MAGI1: variants seen among roughly 807,000 people sequenced by gnomAD.
MAGI1 encodes the protein membrane associated guanylate kinase, WW and PDZ domain containing 1.
A neutral mutation model predicts 139.9 loss-of-function variants in MAGI1; 58 were observed. The ratio of observed to expected loss-of-function variants is 0.41; its 90% CI spans 0.34 to 0.52. The LOEUF is 0.52. Among genes scored for constraint, MAGI1 ranks in the 20% least tolerant of loss-of-function variants. MAGI1 has a pLI of 0.12. For synonymous variants in MAGI1, 812 were observed against 737.9 expected (o/e 1.10, Z -1.63); for missense variants, 1,874 against 1,901.6 (o/e 0.99, Z 0.27).
At chr3:65,621,856 T>G in intron 2 of MAGI1, 116 bp downstream of exon 2, 1 of 687,902 alleles carries the variant, frequency 1.5e-6, no homozygotes, top group Non-Finnish European at 2.5e-6. Context: ...AGTCACTCAG[T>G]AGGCCAACCA....
At chr3:65,549,576 C>T (rs117240963) in intron 2 of MAGI1, 1 of 680,766 alleles carries the variant, frequency 1.5e-6, no homozygotes, top group Non-Finnish European at 1.8e-6. Context: ...CCAGCCCGCT[C>T]GGGCGGCAGC....
At chr3:65,852,067 T>A (rs998099647) in intron 1 of MAGI1, among the ~76,000 whole-genome samples, 1 of 152,174 alleles carries the variant, frequency 6.6e-6, no homozygotes, top group East Asian at 1.9e-4. Context: ...GCTCAAGGAA[T>A]TGTGGGCCCA....
At chr3:65,608,121 C>T (rs2082847363) in intron 2 of MAGI1, among the ~76,000 whole-genome samples, 1 of 152,062 alleles carries the variant, frequency 6.6e-6, no homozygotes, top group South Asian at 2.1e-4. Context: ...TTCTACAAAT[C>T]AGAAAGCAAA....
chr3:65,746,699 T>C (rs2035739954), intron 1 of MAGI1, among the ~76,000 whole-genome samples: 1 of 152,140 alleles, frequency 6.6e-6, no homozygotes, highest in African/African-American at 2.4e-5. Flanking sequence ...ATCAAGGGCA[T>C]TAAAATATAA....
chr3:65,432,626 T>G (rs2107356994), intron 10 of MAGI1, among the ~76,000 whole-genome samples: 1 of 152,272 alleles, frequency 6.6e-6, no homozygotes, highest in East Asian at 1.9e-4. Flanking sequence ...AAGGCAAGAC[T>G]TACAAGGATT....
chr3:65,365,092 T>C (rs945044211), intron 18 of MAGI1, 146 bp from the exon 19 acceptor site: 2 of 787,978 alleles, frequency 2.5e-6, no homozygotes, highest in African/African-American at 3.4e-5. Flanking sequence ...TTCTAGACAA[T>C]TAGGAGTTTA....
intron 10 of MAGI1, among the ~76,000 whole-genome samples, chr3:65,435,748 G>A (rs1407668891): frequency 6.6e-6 from 1 of 152,144 alleles, no homozygotes; most frequent in Non-Finnish European, 1.5e-5. Flanking sequence ...AGTAAACATG[G>A]TAGGGGAATC....
intron 2 of MAGI1, among the ~76,000 whole-genome samples, chr3:65,569,310 T>G (rs1309181190): frequency 6.6e-6 from 1 of 152,152 alleles, no homozygotes; most frequent in African/African-American, 2.4e-5. Context: ...ATTTAATGAG[T>G]ACATAGTTTC....
At chr3:65,575,195 T>C (rs1162559245) in intron 2 of MAGI1, among the ~76,000 whole-genome samples, 1 of 151,820 alleles carries the variant, frequency 6.6e-6, no homozygotes. Flanking sequence ...ATCTATAGAG[T>C]TCCAAACAAA....
chr3:65,784,703 TCAACAACAA>T (rs148824542), intron 1 of MAGI1, among the ~76,000 whole-genome samples: 2 of 149,376 alleles, frequency 1.3e-5, no homozygotes, highest in African/African-American at 2.5e-5. Flanking sequence ...AGACTCCGTC[TCAACAACAA>T]CAACAACAAC....
chr3:65,784,370 G>A (rs530459662), intron 1 of MAGI1, among the ~76,000 whole-genome samples: 2 of 152,180 alleles, frequency 1.3e-5, no homozygotes, highest in Non-Finnish European at 2.9e-5. Context: ...TTACTCATAA[G>A]AGGTCAAAAA....
intron 1 of MAGI1, among the ~76,000 whole-genome samples, chr3:65,919,119 A>G (rs2062045504): frequency 1.3e-5 from 2 of 152,260 alleles, no homozygotes; most frequent in African/African-American, 4.8e-5. Flanking sequence ...CTTGCTCAAC[A>G]GAATTTCACT....
intron 1 of MAGI1, among the ~76,000 whole-genome samples, chr3:65,933,514 T>C (rs1434358239): frequency 6.6e-6 from 1 of 152,172 alleles, no homozygotes; most frequent in East Asian, 1.9e-4. Flanking sequence ...GAAGCCACAA[T>C]TCTGTTACGA....
chr3:65,957,635 T>G (rs2064199546), intron 1 of MAGI1, among the ~76,000 whole-genome samples: 1 of 152,022 alleles, frequency 6.6e-6, no homozygotes, highest in Admixed American at 6.6e-5. Flanking sequence ...GAATCCATAC[T>G]GAGTGAATCT....
chr3:65,775,348 C>T (rs2038288391), intron 1 of MAGI1, among the ~76,000 whole-genome samples: 2 of 151,210 alleles, frequency 1.3e-5, no homozygotes, highest in Admixed American at 1.3e-4. Context: ...ACTTGGGAGA[C>T]TGAGGCAGGA....
intron 1 of MAGI1, among the ~76,000 whole-genome samples, chr3:65,779,006 G>GAA (rs2038713821): frequency 6.6e-6 from 1 of 152,166 alleles, no homozygotes. Context: ...CAGAACAGCT[G>GAA]CCTGCTCCCA....
intron 1 of MAGI1, among the ~76,000 whole-genome samples, chr3:65,624,475 A>T (rs1045459028): frequency 6.6e-6 from 1 of 152,238 alleles, no homozygotes; most frequent in African/African-American, 2.4e-5. Flanking sequence ...ATTAATACTG[A>T]TGAATCTCAA....
At chr3:65,685,379 C>T (rs1241210051) in intron 1 of MAGI1, among the ~76,000 whole-genome samples, 10 of 151,014 alleles carry the variant, frequency 6.6e-5, no homozygotes, top group Non-Finnish European at 1.0e-4. Context: ...TAGAATTACA[C>T]ATACCTTTAT....
chr3:65,792,442 G>A (rs923055329), intron 1 of MAGI1, among the ~76,000 whole-genome samples: 3 of 152,122 alleles, frequency 2.0e-5, no homozygotes, highest in Non-Finnish European at 4.4e-5. Flanking sequence ...CTGGGTGACA[G>A]AGTAAGACTC....
Sources: allele counts gnomAD v4.1 joint callset (sites outside exome capture counted in the v4.1 genomes callset), GRCh38; gene constraint gnomAD v4.1.1; transcripts MANE v1.5; gene names NCBI Gene and HGNC (gene_info 2026-07-23, HGNC 2026-07-21).